Variants in NRG3 observed in about 807,000 individuals in gnomAD.
NRG3 encodes the protein pro-neuregulin-3, membrane-bound isoform.
NRG3 carries 31 observed loss-of-function variants against 66.9 expected under a neutral mutation model. The observed-to-expected ratio is 0.46, with a 90% CI of 0.35 to 0.63. The LOEUF (loss-of-function observed/expected upper bound fraction) is 0.63. NRG3 is among the 20% of genes least tolerant of loss of function. The pLI is 0.00. For missense variants in NRG3, 910 were observed against 878.9 expected, an observed-to-expected ratio of 1.04 and a Z score of -0.45; for synonymous variants, 393 against 359.4, an observed-to-expected ratio of 1.09 and a Z score of -1.06.
intron 3 of NRG3, among the ~76,000 whole-genome samples, chr10:82,814,820 C>T (rs2135529613): frequency 6.6e-6 from 1 of 152,314 alleles, no homozygotes; most frequent in South Asian, 2.1e-4. Flanking sequence ...CACTTGCACA[C>T]TATCATGTTT....
chr10:82,088,229 T>G (rs975626193), intron 1 of NRG3, among the ~76,000 whole-genome samples: 7 of 152,118 alleles, frequency 4.6e-5, no homozygotes, highest in Admixed American at 4.6e-4. Context: ...ATTTCCTGCC[T>G]TCAAAGCTTC....
intron 2 of NRG3, among the ~76,000 whole-genome samples, chr10:82,458,544 A>T (rs2091373622): frequency 6.6e-6 from 1 of 152,164 alleles, no homozygotes; most frequent in African/African-American, 2.4e-5. Context: ...ATGTCACTGG[A>T]GAATGAAGTA....
intron 1 of NRG3, among the ~76,000 whole-genome samples, chr10:82,072,795 C>T (rs1290697630): frequency 1.3e-5 from 2 of 151,588 alleles, no homozygotes; most frequent in African/African-American, 4.8e-5. Flanking sequence ...GAGACAGGGT[C>T]TTGCTCCATG....
chr10:82,777,285 C>T (rs537521719), intron 3 of NRG3, among the ~76,000 whole-genome samples: 4 of 152,094 alleles, frequency 2.6e-5, no homozygotes, highest in African/African-American at 9.6e-5. Flanking sequence ...GTGATAAGGG[C>T]TTTAGGGGTC....
chr10:82,209,278 A>G (rs1764076), intron 1 of NRG3, among the ~76,000 whole-genome samples: 11,643 of 152,240 alleles, frequency 0.076, 576 homozygotes, highest in Middle Eastern at 0.14. Flanking sequence ...CCATCTATTT[A>G]CCAAAATCAA....
At chr10:82,539,589 C>A (rs750116964) in intron 2 of NRG3, among the ~76,000 whole-genome samples, 20 of 151,958 alleles carry the variant, frequency 1.3e-4, no homozygotes, top group Non-Finnish European at 2.6e-4. Flanking sequence ...AATCTAAGAT[C>A]CATTGTTAAC....
In NRG3 at chr10:81,884,399, G is replaced by A. The variant is rs374537789; in HGVS notation, c.823+8236G>A. ...TGTTTCGGTAAAAGATAAAGAATAT[G>A]TTGTTCTGAATGTTGTCTTCTTGTT... On this transcript the variant is annotated intron_variant, in intron 1 of 8. Coordinates refer to ENST00000372141, the MANE Select transcript of NRG3 (RefSeq NM_001010848.4). Among the ~76,000 whole-genome samples, 5 of 152,260 alleles carry A rather than the reference G, an allele frequency of 3.3e-5. 1 individual carries two copies. In the East Asian group the frequency reaches 9.7e-4, roughly 29 times the overall value.
At chr10:82,868,008 T>C (rs1345929476) in intron 4 of NRG3, among the ~76,000 whole-genome samples, 1 of 152,056 alleles carries the variant, frequency 6.6e-6, no homozygotes, top group Non-Finnish European at 1.5e-5. Context: ...GCAGGCTCAG[T>C]GAGGCTTTAT....
intron 3 of NRG3, among the ~76,000 whole-genome samples, chr10:82,742,160 C>T (rs997754960): frequency 1.3e-5 from 2 of 152,120 alleles, no homozygotes; most frequent in African/African-American, 4.8e-5. Context: ...TGAGTGAAAT[C>T]CCTATTAGCA....
At chr10:82,677,042 CTT>C (rs1315297693) in intron 2 of NRG3, among the ~76,000 whole-genome samples, 176 of 148,636 alleles carry the variant, frequency 1.2e-3, no homozygotes, top group African/African-American at 4.2e-3. Context: ...TTCTTTCTTT[CTT>C]TCTCTCTCTC....
intron 1 of NRG3, among the ~76,000 whole-genome samples, chr10:82,074,721 T>C (rs2064996508): frequency 1.3e-5 from 2 of 152,136 alleles, no homozygotes; most frequent in South Asian, 4.1e-4. Flanking sequence ...CCTGTAGTCT[T>C]AGCTACTTAG....
Position 82,621,876 on chromosome 10 carries a change from T to G in NRG3, c.954-116701T>G, listed in dbSNP as rs115049714. 5.2e-3 allele frequency among the ~76,000 whole-genome samples: 786 copies of G among 152,314 alleles called. 6 individuals are homozygous for G. Among genetic ancestry groups the G allele is most frequent in the African/African-American group, 0.017 (691 of 41,580 alleles). ...ACACTTCTCAAGTGTCTGTCTTGTTTCCTCAGAACCAAGCCAGTGGTAGAT... is the reference window on the plus strand; with the variant it reads ...ACACTTCTCAAGTGTCTGTCTTGTTGCCTCAGAACCAAGCCAGTGGTAGAT... On this transcript the variant is annotated intron_variant, in intron 2 of 8. Coordinates refer to ENST00000372141, the MANE Select transcript of NRG3 (RefSeq NM_001010848.4).
chr10:82,721,277 G>T (rs1221643754), intron 2 of NRG3, among the ~76,000 whole-genome samples: 1 of 147,996 alleles, frequency 6.8e-6, no homozygotes, highest in Non-Finnish European at 1.5e-5. Context: ...GACTACAGGT[G>T]CCCTCCACCA....
chr10:82,456,592 T>A (rs1285611883), intron 2 of NRG3, among the ~76,000 whole-genome samples: 1 of 152,202 alleles, frequency 6.6e-6, no homozygotes, highest in Non-Finnish European at 1.5e-5. Context: ...ACCACCATCA[T>A]ATATGCCAGT....
intron 3 of NRG3, among the ~76,000 whole-genome samples, chr10:82,802,962 C>T (rs941245896): frequency 6.6e-6 from 1 of 152,132 alleles, no homozygotes. Flanking sequence ...ATGTAAACAT[C>T]GCACCCAGCC....
chr10:82,383,280 T>G (rs1278063200), intron 2 of NRG3, among the ~76,000 whole-genome samples: 3 of 151,994 alleles, frequency 2.0e-5, no homozygotes, highest in African/African-American at 7.2e-5. Flanking sequence ...AATCAAAATT[T>G]GTTTATATCT....
At chr10:82,252,818 C>G (rs2077547720) in intron 1 of NRG3, among the ~76,000 whole-genome samples, 11 of 152,136 alleles carry the variant, frequency 7.2e-5, no homozygotes, top group Admixed American at 7.2e-4. Flanking sequence ...GCCTCTGGCT[C>G]CAGCTTGCTC....
At chr10:82,581,591 T>G (rs1488045225) in intron 2 of NRG3, among the ~76,000 whole-genome samples, 1 of 152,000 alleles carries the variant, frequency 6.6e-6, no homozygotes, top group Non-Finnish European at 1.5e-5. Flanking sequence ...TGGGAAATTA[T>G]TGTTCTATGG....
At chr10:82,871,352 T>C (rs1013729028) in intron 4 of NRG3, among the ~76,000 whole-genome samples, 1 of 152,048 alleles carries the variant, frequency 6.6e-6, no homozygotes, top group Non-Finnish European at 1.5e-5. Context: ...TGAAGTAAAG[T>C]GGGGTCCGTC....
Sources: gnomAD v4.1 joint callset for allele counts (sites outside exome capture counted in the v4.1 genomes callset) on GRCh38, gnomAD v4.1.1 for gene constraint, MANE v1.5 for transcripts, NCBI Gene and HGNC (gene_info 2026-07-23, HGNC 2026-07-21) for gene names.